Variants in ARID2 observed in about 807,000 individuals in gnomAD.
ARID2 encodes the protein AT-rich interaction domain 2.
A neutral mutation model predicts 184.6 loss-of-function variants in ARID2; 32 were observed. The observed-to-expected ratio is 0.17, with a 90% CI of 0.13 to 0.23. ARID2 has a LOEUF of 0.23. ARID2 is among the 10% of genes least tolerant of loss of function. The probability of loss-of-function intolerance (pLI) is 1.00; values close to 1 mark genes in which losing one functional copy is unlikely to be tolerated. For synonymous variants in ARID2, 836 were observed against 772.6 expected (o/e 1.08, Z -1.36); for missense variants, 1,696 against 2,197.6 (o/e 0.77, Z 4.56).
chr12:45,876,498 C>G (rs1944010885), intron 16 of ARID2, among the ~76,000 whole-genome samples: 1 of 149,948 alleles, frequency 6.7e-6, no homozygotes, highest in Non-Finnish European at 1.5e-5. Context: ...TGCGGTGAGC[C>G]AGAGATTGTG....
intron 2 of ARID2, 75 bp from the exon 3 acceptor site, chr12:45,731,142 G>T: frequency 9.4e-7 from 1 of 1,061,334 alleles, no homozygotes; most frequent in Middle Eastern, 2.0e-4. Context: ...CTGTAGAATG[G>T]GTATTTATTT....
intron 20 of ARID2, among the ~76,000 whole-genome samples, chr12:45,894,929 G>A (rs1321563914): frequency 6.6e-6 from 1 of 151,928 alleles, no homozygotes; most frequent in African/African-American, 2.4e-5. Context: ...GTCACACTTG[G>A]TACCTTTGTT....
rs143182559 is a variant in ARID2, at chr12:45,734,350, C to T, written c.284+3036C>T. On this transcript the variant is annotated intron_variant, in intron 3 of 20. Transcript: ENST00000334344. ...TGCTACTGCACTCTAGTCTGGCCGACAGAGTGAGACTCTTTCTCAAAAAAA... is the reference window on the plus strand; with the variant it reads ...TGCTACTGCACTCTAGTCTGGCCGATAGAGTGAGACTCTTTCTCAAAAAAA... 8.9e-3 allele frequency among the ~76,000 whole-genome samples: 1,349 copies of T among 152,142 alleles called. 26 individuals are homozygous for T. The highest frequency in any genetic ancestry group is 0.031 in the African/African-American group (1,301 of 41,504).
At chr12:45,799,853 C>CT (rs1032002469) in intron 3 of ARID2, among the ~76,000 whole-genome samples, 19 of 152,068 alleles carry the variant, frequency 1.2e-4, no homozygotes, top group African/African-American at 3.4e-4. Flanking sequence ...GTTTTATTTT[C>CT]TTTTTTTTCC....
intron 16 of ARID2, among the ~76,000 whole-genome samples, chr12:45,880,314 T>C (rs1944078453): frequency 6.6e-6 from 1 of 152,214 alleles, no homozygotes; most frequent in Non-Finnish European, 1.5e-5. Context: ...AAATATTTCC[T>C]GTGTGAAAAC....
intron 5 of ARID2, among the ~76,000 whole-genome samples, chr12:45,821,025 T>C (rs941414331): frequency 1.3e-5 from 2 of 152,166 alleles, no homozygotes; most frequent in Non-Finnish European, 2.9e-5. Context: ...GTGTGAATTA[T>C]GCAAGTATTT....
In ARID2 at chr12:45,792,467, A is replaced by C. The variant is rs558811159; in HGVS notation, c.285-18951A>C. ...TATGGTAAATTTTTAAATATATTCTATCTGTGCTTAAGTATGTTGTGCATT... is the reference window on the plus strand; with the variant it reads ...TATGGTAAATTTTTAAATATATTCTCTCTGTGCTTAAGTATGTTGTGCATT... On this transcript the variant is annotated intron_variant, in intron 3 of 20. Coordinates refer to ENST00000334344, the MANE Select transcript of ARID2 (RefSeq NM_152641.4). Among the ~76,000 whole-genome samples the C allele has an allele frequency of 1.2e-3, 185 of 152,316 alleles. 1 individual carries two copies. The Middle Eastern group carries it at 0.02, about 17-fold the overall frequency.
intron 16 of ARID2, among the ~76,000 whole-genome samples, chr12:45,886,406 T>C (rs1944191634): frequency 6.6e-6 from 1 of 152,208 alleles, no homozygotes. Flanking sequence ...CATCATGGGT[T>C]GGCATTGAGT....
chr12:45,836,513 G>T lies in ARID2; in HGVS notation c.706-76G>T, dbSNP rs1353643518. ...TTACAGGCATGAGCCACCATACCTA[G>T]CCTGTGTGTGACTATTTCTAAAGCA... On this transcript the variant is annotated intron_variant, in intron 6 of 20. Coordinates refer to ENST00000334344, the MANE Select transcript of ARID2 (RefSeq NM_152641.4). 4 of 1,377,346 alleles carry T rather than the reference G, an allele frequency of 2.9e-6. No homozygotes were observed. The African/African-American group carries it at 4.4e-5, about 15-fold the overall frequency. The allele number at this position is 1,377,346 out of a possible 1,614,324, so 85.3% of individuals were successfully genotyped here.
At chr12:45,879,908 A>C (rs1294360125) in intron 16 of ARID2, among the ~76,000 whole-genome samples, 2 of 152,166 alleles carry the variant, frequency 1.3e-5, no homozygotes, top group African/African-American at 4.8e-5. Flanking sequence ...ATTCTGTGTA[A>C]TTGGAGAAAA....
intron 3 of ARID2, among the ~76,000 whole-genome samples, chr12:45,734,181 C>T (rs1367057636): frequency 3.9e-5 from 6 of 152,110 alleles, no homozygotes; most frequent in African/African-American, 9.7e-5. Context: ...CCAGCCTGGC[C>T]AACATGGTGA....
chr12:45,778,689 TTAAA>T (rs1249172281), intron 3 of ARID2, among the ~76,000 whole-genome samples: 4 of 152,002 alleles, frequency 2.6e-5, no homozygotes, highest in Non-Finnish European at 5.9e-5. Context: ...ATTTAAATTT[TTAAA>T]TAAATGACGG....
chr12:45,752,543 A>G (rs1941482691), intron 3 of ARID2, among the ~76,000 whole-genome samples: 1 of 152,180 alleles, frequency 6.6e-6, no homozygotes, highest in Non-Finnish European at 1.5e-5. Flanking sequence ...TTTTTAAGAG[A>G]CAGGGTCTGG....
At chr12:45,899,201 G>A (rs1356937174) in intron 20 of ARID2, among the ~76,000 whole-genome samples, 12 of 147,852 alleles carry the variant, frequency 8.1e-5, no homozygotes, top group African/African-American at 3.0e-4. Context: ...GAACCCGTAA[G>A]GCGGAGGTTG....
At position 45,850,677 on chromosome 12, in the gene ARID2, C is replaced by T. The variant is rs925229355; in HGVS notation, c.2554C>T (p.Gln852Ter). Residue 852 changes from glutamine (Q) to a stop codon, truncating the protein, a stop_gained, in exon 15 of 21, where the codon CAG becomes TAG. Coordinates refer to ENST00000334344, the MANE Select transcript of ARID2 (RefSeq NM_152641.4). LOFTEE classifies it high-confidence loss of function. Reference sequence around the variant, plus strand: ...AGATACTGTTATCATAGCACCCCCACAGTATGTAACAACTTCTGCATCCAA... The same window carrying T: ...AGATACTGTTATCATAGCACCCCCATAGTATGTAACAACTTCTGCATCCAA... ...SQDTVIIAPP[Q>*]YVTTSASNIV... 6.2e-7 allele frequency: 1 copy of T among 1,614,044 alleles called. No homozygotes were observed. Among genetic ancestry groups the T allele is most frequent in the Non-Finnish European group, 8.5e-7 (1 of 1,180,010 alleles).
At chr12:45,795,892 C>G (rs1942384459) in intron 3 of ARID2, among the ~76,000 whole-genome samples, 1 of 152,082 alleles carries the variant, frequency 6.6e-6, no homozygotes. Context: ...CTATATAACA[C>G]TACTACTGCC....
At chr12:45,855,891 G>A (rs1004861755) in intron 15 of ARID2, among the ~76,000 whole-genome samples, 1 of 151,516 alleles carries the variant, frequency 6.6e-6, no homozygotes, top group African/African-American at 2.4e-5. Flanking sequence ...CAGCTAATTT[G>A]TTTTATGTTT....
At chr12:45,772,297 C>G (rs1941893200) in intron 3 of ARID2, among the ~76,000 whole-genome samples, 1 of 152,112 alleles carries the variant, frequency 6.6e-6, no homozygotes, top group East Asian at 1.9e-4. Context: ...ACAGTCAATT[C>G]AGAAGTTAGA....
intron 16 of ARID2, among the ~76,000 whole-genome samples, chr12:45,876,477 A>G (rs1944010468): frequency 6.6e-6 from 1 of 151,408 alleles, no homozygotes; most frequent in Non-Finnish European, 1.5e-5. Context: ...TTGAGCCCGG[A>G]AGGTGGAGGT....
Sources: allele counts gnomAD v4.1 joint callset (sites outside exome capture counted in the v4.1 genomes callset), GRCh38; gene constraint gnomAD v4.1.1; transcripts MANE v1.5; gene names NCBI Gene and HGNC (gene_info 2026-07-23, HGNC 2026-07-21).